KHDRBS2: variants seen among roughly 807,000 people sequenced by gnomAD.
KHDRBS2 encodes KH RNA binding domain containing, signal transduction associated 2, also known as KH domain-containing, RNA-binding, signal transduction-associated protein 2.
In KHDRBS2, 26 loss-of-function variants were observed where a neutral mutation model predicts 44.3. The ratio of observed to expected loss-of-function variants is 0.59; its 90% CI spans 0.43 to 0.81. The LOEUF (loss-of-function observed/expected upper bound fraction) is 0.81. Ranked by LOEUF, KHDRBS2 falls within the 40% of genes least tolerant of loss-of-function variation. The probability of loss-of-function intolerance (pLI) is 0.00; values close to 1 mark genes in which losing one functional copy is unlikely to be tolerated. For synonymous variants in KHDRBS2, 194 were observed against 151.1 expected, an observed-to-expected ratio of 1.28 and a Z score of -2.08; for missense variants, 476 against 433.1, an observed-to-expected ratio of 1.10 and a Z score of -0.88.
intron 2 of KHDRBS2, among the ~76,000 whole-genome samples, chr6:62,108,962 G>A (rs1190848810): frequency 6.6e-6 from 1 of 152,062 alleles, no homozygotes; most frequent in African/African-American, 2.4e-5. Context: ...GGGAGGACGA[G>A]GGGAGGGATA....
chr6:62,202,709 A>G (rs1369948270), intron 1 of KHDRBS2, among the ~76,000 whole-genome samples: 1 of 152,070 alleles, frequency 6.6e-6, no homozygotes, highest in African/African-American at 2.4e-5. Context: ...AACTCAATAC[A>G]AAGTCATGAT....
At chr6:61,733,255 A>C (rs1774777183) in intron 6 of KHDRBS2, among the ~76,000 whole-genome samples, 1 of 152,106 alleles carries the variant, frequency 6.6e-6, no homozygotes. Flanking sequence ...TAAATAAATA[A>C]AAGAAAAAAA....
chr6:61,926,455 T>G (rs1808989763), intron 4 of KHDRBS2, among the ~76,000 whole-genome samples: 1 of 152,178 alleles, frequency 6.6e-6, no homozygotes, highest in African/African-American at 2.4e-5. Context: ...AATTGTCTCC[T>G]AAACTACTGA....
chr6:62,255,454 A>C (rs1837215397), intron 1 of KHDRBS2, among the ~76,000 whole-genome samples: 1 of 152,072 alleles, frequency 6.6e-6, no homozygotes, highest in Admixed American at 6.6e-5. Flanking sequence ...TTATGGATGT[A>C]ACACTAAGAA....
chr6:62,070,584 G>A (rs528139764), intron 2 of KHDRBS2, among the ~76,000 whole-genome samples: 9 of 151,808 alleles, frequency 5.9e-5, no homozygotes, highest in East Asian at 1.9e-4. Flanking sequence ...GTGAGAACAC[G>A]CGGTGTTCGG....
intron 1 of KHDRBS2, among the ~76,000 whole-genome samples, chr6:62,226,972 T>C (rs1831958946): frequency 6.6e-6 from 1 of 152,234 alleles, no homozygotes; most frequent in South Asian, 2.1e-4. Context: ...ACTCCAGCTT[T>C]GTTCTTTTTG....
chr6:61,835,679 T>C (rs1373273189), intron 6 of KHDRBS2, among the ~76,000 whole-genome samples: 1 of 151,424 alleles, frequency 6.6e-6, no homozygotes, highest in African/African-American at 2.4e-5. Flanking sequence ...AATATAAATA[T>C]ACTGCATCGT....
At chr6:61,743,832 A>T (rs1461831403) in intron 6 of KHDRBS2, among the ~76,000 whole-genome samples, 2 of 118,470 alleles carry the variant, frequency 1.7e-5, no homozygotes, top group Admixed American at 1.2e-4. Flanking sequence ...TCCTGTGTCC[A>T]TGTGTTCTCA....
the KHDRBS2 span, among the ~76,000 whole-genome samples, chr6:61,557,653 T>A: frequency 1.3e-5 from 2 of 152,222 alleles, no homozygotes; most frequent in Admixed American, 6.5e-5. Flanking sequence ...CCTCATAGAG[T>A]GAGTTTGGAA....
At chr6:61,645,035 A>C in the KHDRBS2 span, among the ~76,000 whole-genome samples, 1 of 152,146 alleles carries the variant, frequency 6.6e-6, no homozygotes, top group Non-Finnish European at 1.5e-5. Context: ...TTGCAGCACT[A>C]TTCACAATAG....
At chr6:61,873,150 A>G (rs1249239219) in intron 6 of KHDRBS2, among the ~76,000 whole-genome samples, 1 of 152,074 alleles carries the variant, frequency 6.6e-6, no homozygotes, top group Non-Finnish European at 1.5e-5. Context: ...TGGTCTATTA[A>G]AAGAAAACTT....
Position 61,725,239 on chromosome 6 carries a change from G to A in KHDRBS2, c.893+7443C>T, listed in dbSNP as rs558160400. On this transcript the variant is annotated intron_variant, in intron 7 of 8. Transcript: ENST00000281156. ...TAAGGCAGAAATTAAGAAGTTTTTT[G>A]AAACTAATTAGAACAAAGAGACAAT... 2.2e-4 allele frequency among the ~76,000 whole-genome samples: 34 copies of A among 152,180 alleles called. No individual in the cohort carries two copies. The South Asian group carries it at 6.8e-3, about 31-fold the overall frequency.
intron 6 of KHDRBS2, among the ~76,000 whole-genome samples, chr6:61,812,884 G>A (rs1271196885): frequency 3.9e-5 from 6 of 151,952 alleles, no homozygotes; most frequent in East Asian, 3.9e-4. Flanking sequence ...TGGCCTCGGC[G>A]TATTTTCACA....
intron 7 of KHDRBS2, among the ~76,000 whole-genome samples, chr6:61,728,101 G>T (rs919514961): frequency 6.6e-5 from 10 of 151,746 alleles, no homozygotes; most frequent in African/African-American, 2.4e-4. Flanking sequence ...GGAATACTAT[G>T]CAGCCATAAA....
chr6:61,767,496 G>T (rs1209229355), intron 6 of KHDRBS2, among the ~76,000 whole-genome samples: 1 of 151,810 alleles, frequency 6.6e-6, no homozygotes, highest in Non-Finnish European at 1.5e-5. Context: ...CTCCTAATTT[G>T]TTTTTGGTTT....
At chr6:61,905,219 G>A (rs1247470363) in intron 4 of KHDRBS2, among the ~76,000 whole-genome samples, 1 of 152,136 alleles carries the variant, frequency 6.6e-6, no homozygotes, top group Admixed American at 6.5e-5. Flanking sequence ...TTGAGCCAGA[G>A]ATTGGAACAA....
the KHDRBS2 span, among the ~76,000 whole-genome samples, chr6:61,600,689 GC>G: frequency 6.6e-6 from 1 of 152,056 alleles, no homozygotes; most frequent in Non-Finnish European, 1.5e-5. Flanking sequence ...TCAGCCCCCT[GC>G]CCTCACCCTC....
chr6:61,754,378 G>C (rs1026558356), intron 6 of KHDRBS2, among the ~76,000 whole-genome samples: 1 of 152,054 alleles, frequency 6.6e-6, no homozygotes, highest in African/African-American at 2.4e-5. Flanking sequence ...GTGTGCTGTA[G>C]ACTTAACGCT....
intron 4 of KHDRBS2, among the ~76,000 whole-genome samples, chr6:61,920,662 G>A (rs1807916174): frequency 6.6e-6 from 1 of 151,968 alleles, no homozygotes; most frequent in South Asian, 2.1e-4. Flanking sequence ...GGTCTAGGGT[G>A]AGAATATTTT....
Sources: gnomAD v4.1 joint callset for allele counts (sites outside exome capture counted in the v4.1 genomes callset) on GRCh38, gnomAD v4.1.1 for gene constraint, MANE v1.5 for transcripts, NCBI Gene and HGNC (gene_info 2026-07-23, HGNC 2026-07-21) for gene names.